Variants in ONECUT2 observed in about 807,000 individuals in gnomAD.
ONECUT2 encodes the protein one cut domain family member 2.
Under a neutral mutation model 27.9 loss-of-function variants are expected in ONECUT2, and 10 were observed. That is an observed-to-expected ratio of 0.36 (90% CI 0.22 to 0.61). ONECUT2 has a LOEUF of 0.61. Among genes scored for constraint, ONECUT2 ranks in the 20% least tolerant of loss-of-function variants. The pLI is 0.73. For missense variants in ONECUT2, 686 were observed against 721.0 expected (o/e 0.95, Z 0.56); for synonymous variants, 334 against 315.1 (o/e 1.06, Z -0.64).
chr18:57,476,336 T>C, intron 1 of ONECUT2, 101 bp from the exon 2 acceptor site: 10 of 1,260,272 alleles, frequency 7.9e-6, no homozygotes, highest in Non-Finnish European at 1.1e-5. Context: ...CAATAAAGTT[T>C]AACGGTTTAC....
chr18:57,453,103 C>T lies in ONECUT2; in HGVS notation c.1228+16159C>T, dbSNP rs541251649. On this transcript the variant is annotated intron_variant, in intron 1 of 1. Transcript: ENST00000491143. ...TCTTAATGTGGGTGTTAAGGGATGC[C>T]GTCCATTAGTGAGTACACCCCAGAT... Among the ~76,000 whole-genome samples the T allele has an allele frequency of 8.5e-5, 13 of 152,210 alleles. No homozygotes were observed. The South Asian group carries it at 1.0e-3, about 12-fold the overall frequency.
chr18:57,473,686 T>G (rs2050366559), intron 1 of ONECUT2, among the ~76,000 whole-genome samples: 1 of 152,188 alleles, frequency 6.6e-6, no homozygotes, highest in Non-Finnish European at 1.5e-5. Context: ...TCCCAGGCCC[T>G]GTCCAGGCTG....
intron 1 of ONECUT2, among the ~76,000 whole-genome samples, chr18:57,439,096 T>TA: frequency 6.6e-6 from 1 of 152,286 alleles, no homozygotes; most frequent in East Asian, 1.9e-4. Flanking sequence ...ACACAGCTTT[T>TA]AAAAAACACG....
At chr18:57,450,850 C>A (rs2050226197) in intron 1 of ONECUT2, among the ~76,000 whole-genome samples, 2 of 152,084 alleles carry the variant, frequency 1.3e-5, no homozygotes, top group South Asian at 4.2e-4. Context: ...ATATTTTTAT[C>A]TTTTTATTTT....
chr18:57,476,351 CTT>C, intron 1 of ONECUT2, 84 bp from the exon 2 acceptor site: 1 of 1,395,660 alleles, frequency 7.2e-7, no homozygotes, highest in African/African-American at 1.4e-5. Context: ...GTTTACATCT[CTT>C]TGTACAACTT....
At chr18:57,459,523 T>C (rs1009975782) in intron 1 of ONECUT2, among the ~76,000 whole-genome samples, 2 of 152,198 alleles carry the variant, frequency 1.3e-5, no homozygotes, top group Non-Finnish European at 2.9e-5. Flanking sequence ...TTAATAAGGC[T>C]TCTTTTAACT....
intron 1 of ONECUT2, among the ~76,000 whole-genome samples, chr18:57,460,686 TC>T (rs1395636806): frequency 7.5e-6 from 1 of 133,356 alleles, no homozygotes; most frequent in Non-Finnish European, 1.6e-5. Flanking sequence ...TTCATTCAAA[TC>T]TTTTTTTTTT....
Position 57,436,942 on chromosome 18 carries a change from C to T in ONECUT2, c.1226C>T (p.Ala409Val). ...CAGCGCATGTCCGCCTTACGCCTGG[C>T]AGGTAAGGCCGGGGCTAGCCAGGGG... ...EFQRMSALRL[A>V]ACKRKEQEPN... Residue 409 changes from alanine to valine, a missense_variant and splice_region_variant, in exon 1 of 2, where the codon GCA (alanine) becomes GTA (valine). Around this residue, in one of 4 missense-constraint regions of ONECUT2, gnomAD observed 51 missense variants for 41.3 expected, o/e 1.23. Transcript: ENST00000491143. The surrounding 1 kb of genome is among the most constrained non-coding windows in gnomAD (Gnocchi z 5.9). The T allele has an allele frequency of 6.3e-7, 1 of 1,591,592 alleles. No homozygotes were observed. The highest frequency in any genetic ancestry group is 1.3e-5 in the African/African-American group (1 of 74,370).
intron 1 of ONECUT2, among the ~76,000 whole-genome samples, chr18:57,472,803 G>A (rs1002146341): frequency 1.3e-5 from 2 of 152,060 alleles, no homozygotes; most frequent in Non-Finnish European, 2.9e-5. Context: ...CCTATTAAAA[G>A]CACAAATACA....
rs2050462325 is a variant in ONECUT2, at chr18:57,490,850, C to T, written c.*14127C>T. 2 of 152,562 alleles carry T rather than the reference C, an allele frequency of 1.3e-5. No individual in the cohort carries two copies. The highest frequency in any genetic ancestry group is 4.8e-5 in the African/African-American group (2 of 41,432). The allele number at this position is 152,562 out of a possible 1,614,324, so 9.5% of individuals were successfully genotyped here. ...CCTCTCATGTTTAAAATCAGGAAAA[C>T]ACACCCCTAAAATTTGCACTCTCTT... On this transcript the variant is annotated 3_prime_UTR_variant, in exon 2 of 2. Coordinates refer to ENST00000491143, the MANE Select transcript of ONECUT2 (RefSeq NM_004852.3).
rs558688824 is a variant in ONECUT2 at position 57,469,333 on chromosome 18, T to A, written c.1229-7104T>A. Among the ~76,000 whole-genome samples the A allele has an allele frequency of 1.3e-5, 2 of 152,328 alleles. 1 individual carries two copies. Among genetic ancestry groups the A allele is most frequent in the South Asian group, 4.1e-4 (2 of 4,832 alleles). ...AGTGTCTGCTGACAAATGCACACCC[T>A]GGATGGTCTCTCTCCCCACTCCCCA... is the stretch of plus-strand genomic sequence containing the variant. On this transcript the variant is annotated intron_variant, in intron 1 of 1. Coordinates refer to ENST00000491143, the MANE Select transcript of ONECUT2 (RefSeq NM_004852.3).
At chr18:57,447,022 C>T (rs1043778524) in intron 1 of ONECUT2, among the ~76,000 whole-genome samples, 3 of 152,094 alleles carry the variant, frequency 2.0e-5, no homozygotes, top group African/African-American at 7.2e-5. Context: ...GGGAGGACAT[C>T]GAGAAAGAGA....
At position 57,490,641 on chromosome 18, in the gene ONECUT2, C is replaced by T. The variant is rs1243331914; in HGVS notation, c.*13918C>T. Reference sequence around the variant, plus strand: ...GCCTTCCAGGTAGCTATTCTAGAAACTCAGTCCTTTGTGGAAACCCAACTA... The same window carrying T: ...GCCTTCCAGGTAGCTATTCTAGAAATTCAGTCCTTTGTGGAAACCCAACTA... On this transcript the variant is annotated 3_prime_UTR_variant, in exon 2 of 2. Transcript: ENST00000491143. 2.0e-5 allele frequency: 3 copies of T among 152,184 alleles called. No homozygotes were observed. The highest frequency in any genetic ancestry group is 4.4e-5 in the Non-Finnish European group (3 of 68,052). The allele number at this position is 152,184 out of a possible 1,614,324, so 9.4% of individuals were successfully genotyped here.
rs1397773382 is a variant in ONECUT2, at chr18:57,436,061, C to T, written c.345C>T (p.Asp115=). 1 of 1,594,612 alleles carries T rather than the reference C, an allele frequency of 6.3e-7. No individual in the cohort carries two copies. Among genetic ancestry groups the T allele is most frequent in the South Asian group, 1.1e-5 (1 of 90,506 alleles). ...TCACCAGCATGGCCTCGATCCTGGACGGCGGCGACTACCGGCCCGAGCTCT... is the reference window on the plus strand; with the variant it reads ...TCACCAGCATGGCCTCGATCCTGGATGGCGGCGACTACCGGCCCGAGCTCT... ...AMVTSMASIL[D]GGDYRPELSI... Residue 115 remains aspartate, a synonymous_variant, in exon 1 of 2, where the codon GAC becomes GAT. Coordinates refer to ENST00000491143, the MANE Select transcript of ONECUT2 (RefSeq NM_004852.3). This position sits in a 1 kb window ranked among gnomAD's most constrained non-coding sequence, Gnocchi z 5.9.
intron 1 of ONECUT2, among the ~76,000 whole-genome samples, chr18:57,442,237 C>G (rs1223256006): frequency 7.4e-6 from 1 of 134,858 alleles, no homozygotes; most frequent in Non-Finnish European, 1.5e-5. Flanking sequence ...AGAACTAATT[C>G]TTCTGGGTTT....
intron 1 of ONECUT2, among the ~76,000 whole-genome samples, chr18:57,449,434 T>C (rs2050217928): frequency 6.6e-6 from 1 of 152,222 alleles, no homozygotes; most frequent in Non-Finnish European, 1.5e-5. Flanking sequence ...CAGCACATCA[T>C]TTAGGAGAAG....
In ONECUT2 at chr18:57,480,606, CCAAGGAG is replaced by C. The variant is rs2050410666; in HGVS notation, c.*3885_*3891del. The C allele has an allele frequency of 6.6e-6, 1 of 151,070 alleles. No individual in the cohort carries two copies. The highest frequency in any genetic ancestry group is 2.4e-5 in the African/African-American group (1 of 41,142). The allele number at this position is 151,070 out of a possible 1,614,324, so 9.4% of individuals were successfully genotyped here. Reference sequence around the variant, plus strand: ...AAAAAAAAAAGGCAAGAATTTCTCTCCAAGGAGCTTTAATAAATGTCTCATTCCAGAT... The same window carrying C: ...AAAAAAAAAAGGCAAGAATTTCTCTCCTTTAATAAATGTCTCATTCCAGAT... On this transcript the variant is annotated 3_prime_UTR_variant, in exon 2 of 2. Coordinates refer to ENST00000491143, the MANE Select transcript of ONECUT2 (RefSeq NM_004852.3).
At position 57,461,076 on chromosome 18, in the gene ONECUT2, C is replaced by G. The variant is rs113352118; in HGVS notation, c.1229-15361C>G. Reference sequence around the variant, plus strand: ...TAGAGTTATTTCTAGCTACTTGTTACTGTTGTGAAGGTTTTTTTCTGTTGC... The same window carrying G: ...TAGAGTTATTTCTAGCTACTTGTTAGTGTTGTGAAGGTTTTTTTCTGTTGC... On this transcript the variant is annotated intron_variant, in intron 1 of 1. Transcript: ENST00000491143. Among the ~76,000 whole-genome samples, 567 of 152,086 alleles carry G rather than the reference C, an allele frequency of 3.7e-3. 2 individuals carry two copies. Among genetic ancestry groups the G allele is most frequent in the African/African-American group, 0.013 (554 of 41,520 alleles).
chr18:57,467,607 C>T (rs1486845312), intron 1 of ONECUT2, among the ~76,000 whole-genome samples: 2 of 152,110 alleles, frequency 1.3e-5, no homozygotes, highest in South Asian at 2.1e-4. Context: ...CCTCGTGATC[C>T]ACCCGCCTCA....
Sources: gnomAD v4.1 joint callset for allele counts (sites outside exome capture counted in the v4.1 genomes callset) on GRCh38, gnomAD v4.1.1 for gene constraint, gnomAD v4.1.1 regional missense constraint, Gnocchi (gnomAD v3.1) non-coding constraint, MANE v1.5 for transcripts, NCBI Gene and HGNC (gene_info 2026-07-23, HGNC 2026-07-21) for gene names.